The following SNU13 variants were observed in gnomAD, a reference collection of about 807,000 sequenced individuals.
SNU13 encodes NHP2-like protein 1.
In SNU13, 2 loss-of-function variants were observed where a neutral mutation model predicts 12.4. The ratio of observed to expected loss-of-function variants is 0.16; its 90% confidence interval spans 0.07 to 0.51. The LOEUF (loss-of-function observed/expected upper bound fraction) is 0.51. Ranked by LOEUF, SNU13 falls within the 20% of genes least tolerant of loss-of-function variation. SNU13 has a pLI of 0.96. For synonymous variants in SNU13, 68 were observed against 66.5 expected, an observed-to-expected ratio of 1.02 and a Z score of -0.11; for missense variants, 66 against 157.8, an observed-to-expected ratio of 0.42 and a Z score of 3.12.
chr22:41,679,095 A>AAAAAT lies in SNU13; in HGVS notation c.124+1144_124+1148dup, dbSNP rs1309032611. Among the ~76,000 whole-genome samples the AAAAAT allele has an allele frequency of 3.3e-5, 5 of 151,770 alleles. No homozygotes were observed. The East Asian group carries it at 7.8e-4, about 24-fold the overall frequency. On this transcript the variant is annotated intron_variant, in intron 2 of 2. Transcript: ENST00000401959. ...CGACAGAGCGAGATTCTGTCTCCAA[A>AAAAAT]AAAATAAAATAAAATAAAAATAAGG... is the stretch of plus-strand genomic sequence containing the variant.
rs1243703144 is a variant in SNU13, at chr22:41,677,804, G to C, written c.124+2440C>G. On this transcript the variant is annotated intron_variant, in intron 2 of 2. Transcript: ENST00000401959. ...TTCCAGCCACACACCAGCCTCCTTA[G>C]AATCCCTCAAGCATGCCTTTACACC... is the stretch of plus-strand genomic sequence containing the variant. 3.3e-5 allele frequency among the ~76,000 whole-genome samples: 5 copies of C among 152,040 alleles called. No homozygotes were observed. In the East Asian group the frequency reaches 5.8e-4, roughly 18 times the overall value.
chr22:41,675,212 G>T lies in SNU13; in HGVS notation c.125-17C>A, dbSNP rs775327768. ...TTTTGGTGGCTGCGGAGAGAAGGAC[G>T]TGAAGCTAATAGGTGATGTGGGCTT... On this transcript the variant is annotated splice_polypyrimidine_tract_variant and intron_variant, in intron 2 of 2. Coordinates refer to ENST00000401959, the MANE Select transcript of SNU13 (RefSeq NM_001003796.2). The T allele has an allele frequency of 6.2e-7, 1 of 1,610,056 alleles. No homozygotes were observed. The highest frequency in any genetic ancestry group is 8.5e-7 in the Non-Finnish European group (1 of 1,179,362).
chr22:41,689,102 C>G, upstream of SNU13: 1 of 1,114,454 alleles, frequency 9.0e-7, no homozygotes, highest in East Asian at 5.1e-5. Flanking sequence ...CGGCTTATGG[C>G]TGTAATCCCG....
At chr22:41,682,220 C>T (rs1321593900) in intron 1 of SNU13, 2 of 904,304 alleles carry the variant, frequency 2.2e-6, no homozygotes, top group Non-Finnish European at 3.6e-6. Flanking sequence ...CCTCGGTGGT[C>T]TCCTGCCCGA....
intron 1 of SNU13, chr22:41,682,319 G>A (rs369869628): frequency 4.6e-5 from 73 of 1,587,496 alleles, no homozygotes; most frequent in Non-Finnish European, 5.7e-5. Flanking sequence ...GCTCTCGGGA[G>A]GTGACCCGGA....
chr22:41,677,151 C>A (rs2068221631), intron 2 of SNU13, among the ~76,000 whole-genome samples: 1 of 152,180 alleles, frequency 6.6e-6, no homozygotes, highest in Non-Finnish European at 1.5e-5. Context: ...CGAACACCCA[C>A]ACCTCAGCTC....
chr22:41,688,951 C>T (rs940574732), upstream of SNU13: 11 of 1,374,484 alleles, frequency 8.0e-6, no homozygotes, highest in Non-Finnish European at 1.0e-5. Flanking sequence ...GGGCCCCGCC[C>T]TCTACGGGGG....
At chr22:41,684,342 T>C (rs2068292505) in intron 1 of SNU13, among the ~76,000 whole-genome samples, 2 of 152,236 alleles carry the variant, frequency 1.3e-5, no homozygotes, top group Non-Finnish European at 2.9e-5. Flanking sequence ...TTTTTTTCTT[T>C]CCTTCTACTT....
chr22:41,684,124 C>G (rs1243328544), intron 1 of SNU13, among the ~76,000 whole-genome samples: 3 of 152,014 alleles, frequency 2.0e-5, no homozygotes, highest in African/African-American at 4.8e-5. Flanking sequence ...AGGCTGGTCT[C>G]GAACTCCTGA....
chr22:41,688,874 C>A, upstream of SNU13: 1 of 1,504,908 alleles, frequency 6.6e-7, no homozygotes, highest in Non-Finnish European at 9.0e-7. Context: ...ACCGGAAAAA[C>A]TCACAGAAGC....
At chr22:41,684,047 G>T (rs1433169723) in intron 1 of SNU13, among the ~76,000 whole-genome samples, 1 of 152,086 alleles carries the variant, frequency 6.6e-6, no homozygotes, top group African/African-American at 2.4e-5. Flanking sequence ...GGGATTACAG[G>T]TGCGCGTCAC....
At position 41,674,941 on chromosome 22, in the gene SNU13, A is replaced by G. The variant is rs1234324953; in HGVS notation, c.379T>C (p.Leu127=). ...TGGCAGAGGCCACAGGTTTAGACTA[A>G]GAGCCTTTCAATGGACTGCTGAATG... ...QSIQQSIERL[L]V Residue 127 remains leucine, a synonymous_variant, in exon 3 of 3, where the codon TTA becomes CTA. Coordinates refer to ENST00000401959, the MANE Select transcript of SNU13 (RefSeq NM_001003796.2). The G allele has an allele frequency of 1.9e-6, 3 of 1,613,444 alleles. No individual in the cohort carries two copies. The South Asian group carries it at 3.3e-5, about 18-fold the overall frequency.
chr22:41,689,440 C>T (rs1453037991), upstream of SNU13: 3 of 149,544 alleles, frequency 2.0e-5, no homozygotes, highest in African/African-American at 7.5e-5. Flanking sequence ...GAGGCTGAGG[C>T]AGGCGGATCA....
chr22:41,684,557 ATCTC>A (rs1255911127), intron 1 of SNU13, among the ~76,000 whole-genome samples: 1 of 151,936 alleles, frequency 6.6e-6, no homozygotes, highest in Non-Finnish European at 1.5e-5. Context: ...CAATTTTTAA[ATCTC>A]TCTGATAGTT....
intron 2 of SNU13, among the ~76,000 whole-genome samples, chr22:41,678,726 C>G (rs1292859731): frequency 6.6e-6 from 1 of 152,208 alleles, no homozygotes; most frequent in Non-Finnish European, 1.5e-5. Context: ...CAATGCCCCA[C>G]TGGCCACTGC....
intron 2 of SNU13, 73 bp from the exon 3 acceptor site, chr22:41,675,268 A>C: frequency 6.4e-7 from 1 of 1,555,008 alleles, no homozygotes; most frequent in Non-Finnish European, 8.7e-7. Flanking sequence ...ACTGGGAAGA[A>C]TGCCTAGGCA....
At chr22:41,688,466 C>G (rs1401132758) in intron 1 of SNU13, 2 of 339,324 alleles carry the variant, frequency 5.9e-6, no homozygotes, top group African/African-American at 2.1e-5. Context: ...TTTCTTCACC[C>G]AACTTTTTGC....
At chr22:41,689,213 A>G, upstream of SNU13, 1 of 507,898 alleles carries the variant, frequency 2.0e-6, no homozygotes, top group Non-Finnish European at 2.6e-6. Context: ...AAATACAAAA[A>G]TTAGCCAGGC....
At chr22:41,682,877 G>A (rs1285025790) in intron 1 of SNU13, among the ~76,000 whole-genome samples, 1 of 152,122 alleles carries the variant, frequency 6.6e-6, no homozygotes, top group East Asian at 1.9e-4. Context: ...TCGAACTCCT[G>A]ATCTCAGGTC....
Sources: allele counts gnomAD v4.1 joint callset (sites outside exome capture counted in the v4.1 genomes callset), GRCh38; gene constraint gnomAD v4.1.1; transcripts MANE v1.5; gene names NCBI Gene and HGNC (gene_info 2026-07-23, HGNC 2026-07-21).